The following SGMS1 variants were observed in gnomAD, a reference collection of about 807,000 sequenced individuals.
The protein encoded by SGMS1 is sphingomyelin synthase 1.
In SGMS1, 13 loss-of-function variants were observed where a neutral mutation model predicts 46.2. That is an observed-to-expected ratio of 0.28 (90% CI 0.18 to 0.45). The LOEUF (loss-of-function observed/expected upper bound fraction) is 0.45. Ranked by LOEUF, SGMS1 falls within the 20% of genes least tolerant of loss-of-function variation. The probability of loss-of-function intolerance (pLI) is 1.00; values close to 1 mark genes in which losing one functional copy is unlikely to be tolerated. For synonymous variants in SGMS1, 203 were observed against 187.8 expected, an observed-to-expected ratio of 1.08 and a Z score of -0.66; for missense variants, 324 against 519.9, an observed-to-expected ratio of 0.62 and a Z score of 3.66.
At chr10:50,533,602 T>C (rs1588867670) in intron 2 of SGMS1, among the ~76,000 whole-genome samples, 2 of 152,180 alleles carry the variant, frequency 1.3e-5, no homozygotes, top group South Asian at 2.1e-4. Flanking sequence ...TTACATACGA[T>C]GTTTTGCTTT....
intron 6 of SGMS1, among the ~76,000 whole-genome samples, chr10:50,399,341 C>T (rs1419922814): frequency 6.6e-6 from 1 of 151,934 alleles, no homozygotes; most frequent in African/African-American, 2.4e-5. Flanking sequence ...AAAAGGTATG[C>T]AACTATTGAA....
At chr10:50,533,155 C>A (rs1480751288) in intron 2 of SGMS1, among the ~76,000 whole-genome samples, 2 of 152,140 alleles carry the variant, frequency 1.3e-5, no homozygotes, top group African/African-American at 2.4e-5. Flanking sequence ...TTCCATATAA[C>A]TTTTCTAAAA....
Position 50,538,790 on chromosome 10 carries a change from T to C in SGMS1, c.-588-18869A>G, listed in dbSNP as rs1838026703. Among the ~76,000 whole-genome samples, 4 of 152,166 alleles carry C rather than the reference T, an allele frequency of 2.6e-5. No individual in the cohort carries two copies. The South Asian group carries it at 8.3e-4, about 32-fold the overall frequency. On this transcript the variant is annotated intron_variant, in intron 2 of 10. Coordinates refer to ENST00000361781, the MANE Select transcript of SGMS1 (RefSeq NM_147156.4). ...GGAACTGTGAGATAAAAGCTGTAAG[T>C]ATCATTAAGTGGTCAAAGGCGATCC...
In SGMS1 at chr10:50,586,774, A is replaced by G. The variant is rs367599944; in HGVS notation, c.-589+3379T>C. Among the ~76,000 whole-genome samples, 12 of 152,366 alleles carry G rather than the reference A, an allele frequency of 7.9e-5. No homozygotes were observed. The East Asian group carries it at 2.1e-3, about 27-fold the overall frequency. ...GCTGCTGTCTAGATTCCTCCCTCAT[A>G]TCACAGCAGAAGCTGAGCACAACCT... On this transcript the variant is annotated intron_variant, in intron 2 of 10. Coordinates refer to ENST00000361781, the MANE Select transcript of SGMS1 (RefSeq NM_147156.4).
chr10:50,443,382 AC>A (rs1328229415), intron 5 of SGMS1, among the ~76,000 whole-genome samples: 2 of 152,188 alleles, frequency 1.3e-5, no homozygotes, highest in African/African-American at 2.4e-5. Context: ...AACAACAACA[AC>A]AAAAAAGTTT....
chr10:50,569,517 G>T (rs886948438), intron 2 of SGMS1, among the ~76,000 whole-genome samples: 1 of 152,008 alleles, frequency 6.6e-6, no homozygotes, highest in African/African-American at 2.4e-5. Context: ...CTCTCCCATG[G>T]AAATGGTGCT....
At chr10:50,554,452 A>G (rs531395069) in intron 2 of SGMS1, among the ~76,000 whole-genome samples, 13 of 152,336 alleles carry the variant, frequency 8.5e-5, no homozygotes, top group Admixed American at 3.9e-4. Flanking sequence ...TATGAGTTGT[A>G]AATCCAAATG....
intron 8 of SGMS1, among the ~76,000 whole-genome samples, chr10:50,323,225 T>C (rs961005278): frequency 6.6e-6 from 1 of 152,156 alleles, no homozygotes; most frequent in Non-Finnish European, 1.5e-5. Flanking sequence ...TACTGTATAC[T>C]TGTTGAAACA....
chr10:50,444,295 C>T (rs951537530), intron 5 of SGMS1, among the ~76,000 whole-genome samples: 1 of 152,038 alleles, frequency 6.6e-6, no homozygotes, highest in African/African-American at 2.4e-5. Flanking sequence ...CCAGTAGAAA[C>T]TCAATACAAA....
At chr10:50,330,853 G>C (rs17721187) in intron 7 of SGMS1, among the ~76,000 whole-genome samples, 1 of 152,054 alleles carries the variant, frequency 6.6e-6, no homozygotes, top group Non-Finnish European at 1.5e-5. Flanking sequence ...AAACATGAAC[G>C]GACAGACAAT....
At chr10:50,519,088 G>C (rs1837834918) in intron 3 of SGMS1, among the ~76,000 whole-genome samples, 1 of 150,506 alleles carries the variant, frequency 6.6e-6, no homozygotes, top group Non-Finnish European at 1.5e-5. Context: ...ACATAACAGG[G>C]CAAAAAAAAA....
At chr10:50,320,025 T>C (rs980761059) in intron 8 of SGMS1, among the ~76,000 whole-genome samples, 7 of 152,242 alleles carry the variant, frequency 4.6e-5, no homozygotes, top group Admixed American at 1.3e-4. Flanking sequence ...TTATGATTAG[T>C]AACTATATAT....
At chr10:50,592,728 T>C (rs942217344) in intron 1 of SGMS1, among the ~76,000 whole-genome samples, 7 of 152,218 alleles carry the variant, frequency 4.6e-5, no homozygotes, top group African/African-American at 1.2e-4. Flanking sequence ...GCTACATCAC[T>C]GACATTTCTT....
intron 6 of SGMS1, among the ~76,000 whole-genome samples, chr10:50,427,121 G>A (rs991202698): frequency 5.3e-5 from 8 of 152,112 alleles, no homozygotes; most frequent in African/African-American, 1.9e-4. Context: ...ACTTACGGCC[G>A]GGCACAGTGG....
rs549432240 is a variant in SGMS1 at position 50,511,817 on chromosome 10, T to C, written c.-498+8014A>G. On this transcript the variant is annotated intron_variant, in intron 3 of 10. Coordinates refer to ENST00000361781, the MANE Select transcript of SGMS1 (RefSeq NM_147156.4). ...CTCTTGTCTGAGGGATCCACACTTATAAAATTCTTCAAGGTAAACTGCCCC... is the reference window on the plus strand; with the variant it reads ...CTCTTGTCTGAGGGATCCACACTTACAAAATTCTTCAAGGTAAACTGCCCC... Among the ~76,000 whole-genome samples, 41 of 152,254 alleles carry C rather than the reference T, an allele frequency of 2.7e-4. No individual in the cohort carries two copies. In the East Asian group the frequency reaches 6.6e-3, roughly 24 times the overall value.
intron 2 of SGMS1, among the ~76,000 whole-genome samples, chr10:50,559,035 T>C (rs2131834725): frequency 6.6e-6 from 1 of 152,136 alleles, no homozygotes; most frequent in Middle Eastern, 3.4e-3. Flanking sequence ...TTTATATAAG[T>C]CTCAAAGCTG....
chr10:50,532,893 G>A lies in SGMS1; in HGVS notation c.-588-12972C>T, dbSNP rs549375720. On this transcript the variant is annotated intron_variant, in intron 2 of 10. Coordinates refer to ENST00000361781, the MANE Select transcript of SGMS1 (RefSeq NM_147156.4). ...TGAATGTGTGATTACTTCAATTCAC[G>A]TAAGCAATCCACCAAGTGCAGTTAC... 4.6e-5 allele frequency among the ~76,000 whole-genome samples: 7 copies of A among 152,250 alleles called. No individual in the cohort carries two copies. The East Asian group carries it at 1.4e-3, about 29-fold the overall frequency.
intron 3 of SGMS1, among the ~76,000 whole-genome samples, chr10:50,517,857 A>C (rs1050403404): frequency 6.6e-6 from 1 of 152,196 alleles, no homozygotes; most frequent in Non-Finnish European, 1.5e-5. Context: ...AGCTATGGAC[A>C]ATGGAACAGT....
chr10:50,416,837 TAAAAA>T (rs36028635), intron 6 of SGMS1, among the ~76,000 whole-genome samples: 10 of 117,290 alleles, frequency 8.5e-5, no homozygotes, highest in Admixed American at 8.7e-5. Context: ...TTTATAGAAC[TAAAAA>T]AAAAAAAAAA....
Sources: allele counts gnomAD v4.1 joint callset (sites outside exome capture counted in the v4.1 genomes callset), GRCh38; gene constraint gnomAD v4.1.1; transcripts MANE v1.5; gene names NCBI Gene and HGNC (gene_info 2026-07-23, HGNC 2026-07-21).